Variants in SLC25A21 observed in about 807,000 individuals in gnomAD.
SLC25A21 encodes mitochondrial 2-oxodicarboxylate carrier.
A neutral mutation model predicts 43.8 loss-of-function variants in SLC25A21; 47 were observed. The observed-to-expected ratio is 1.07, with a 90% CI of 0.85 to 1.37. The LOEUF (loss-of-function observed/expected upper bound fraction) is 1.37, where lower values mean the gene tolerates loss of function less well. Among genes scored for constraint, SLC25A21 ranks in the 40% most tolerant of loss-of-function variants. The pLI is 0.00. For synonymous variants in SLC25A21, 131 were observed against 121.3 expected (o/e 1.08, Z -0.52); for missense variants, 352 against 350.2 (o/e 1.00, Z -0.04).
At chr14:36,805,660 C>A (rs377751614) in intron 3 of SLC25A21, among the ~76,000 whole-genome samples, 7 of 150,150 alleles carry the variant, frequency 4.7e-5, no homozygotes, top group African/African-American at 1.7e-4. Flanking sequence ...TGAAATAAGT[C>A]ACTGCCTGTT....
intron 1 of SLC25A21, among the ~76,000 whole-genome samples, chr14:37,148,155 T>C (rs1963700734): frequency 6.6e-6 from 1 of 152,112 alleles, no homozygotes; most frequent in Non-Finnish European, 1.5e-5. Flanking sequence ...TCCTTATGTA[T>C]TTTGCTTATA....
chr14:36,996,669 G>A (rs1454197540), intron 1 of SLC25A21, among the ~76,000 whole-genome samples: 1 of 152,044 alleles, frequency 6.6e-6, no homozygotes. Context: ...AATGAAACTG[G>A]AACAATTAGG....
At chr14:37,087,397 T>C (rs763436899) in intron 1 of SLC25A21, among the ~76,000 whole-genome samples, 2 of 152,222 alleles carry the variant, frequency 1.3e-5, no homozygotes, top group Non-Finnish European at 2.9e-5. Flanking sequence ...GAAAGTTGGG[T>C]TATCTGTGAC....
intron 1 of SLC25A21, among the ~76,000 whole-genome samples, chr14:37,008,442 G>A (rs1428508286): frequency 6.6e-6 from 1 of 152,168 alleles, no homozygotes; most frequent in Admixed American, 6.5e-5. Context: ...AGGAGTTCCA[G>A]CCATTGCAAT....
At chr14:36,948,297 A>T (rs1281698040) in intron 1 of SLC25A21, among the ~76,000 whole-genome samples, 6 of 152,196 alleles carry the variant, frequency 3.9e-5, no homozygotes, top group African/African-American at 1.4e-4. Context: ...ATAAATTCTT[A>T]GTTGGTATAT....
intron 3 of SLC25A21, among the ~76,000 whole-genome samples, chr14:36,811,418 A>T (rs1401634566): frequency 6.6e-6 from 1 of 152,122 alleles, no homozygotes; most frequent in Admixed American, 6.5e-5. Flanking sequence ...TGGGAGGCCG[A>T]GGAGGGTGGA....
intron 1 of SLC25A21, among the ~76,000 whole-genome samples, chr14:37,091,883 T>G (rs2138851770): frequency 6.6e-6 from 1 of 152,328 alleles, no homozygotes; most frequent in South Asian, 2.1e-4. Flanking sequence ...ATCCTAGTAC[T>G]TTGGGAGGCC....
At chr14:37,158,639 A>G (rs1157578237) in intron 1 of SLC25A21, among the ~76,000 whole-genome samples, 4 of 152,222 alleles carry the variant, frequency 2.6e-5, no homozygotes, top group African/African-American at 9.6e-5. Context: ...GAATAGCAGA[A>G]AGTTAAAAGC....
intron 1 of SLC25A21, among the ~76,000 whole-genome samples, chr14:37,033,636 T>G (rs1323478024): frequency 6.6e-6 from 1 of 152,180 alleles, no homozygotes; most frequent in Admixed American, 6.5e-5. Flanking sequence ...TTTTGTTTTC[T>G]AATCCTCCTT....
intron 3 of SLC25A21, among the ~76,000 whole-genome samples, chr14:36,748,756 G>C (rs953537294): frequency 6.6e-6 from 1 of 152,118 alleles, no homozygotes; most frequent in Non-Finnish European, 1.5e-5. Flanking sequence ...GCTGATAACT[G>C]TCATACATCT....
intron 6 of SLC25A21, among the ~76,000 whole-genome samples, chr14:36,724,847 T>A (rs1884526928): frequency 2.6e-5 from 4 of 151,988 alleles, no homozygotes; most frequent in Non-Finnish European, 4.4e-5. Flanking sequence ...GGTCATTTTT[T>A]AAAAAAATGA....
In SLC25A21 at chr14:36,711,379, A is replaced by G. The variant is rs1464250326; in HGVS notation, c.542T>C (p.Val181Ala). 1.2e-6 allele frequency: 2 copies of G among 1,613,746 alleles called. No homozygotes were observed. The highest frequency in any genetic ancestry group is 2.2e-5 in the South Asian group (2 of 91,046). The change falls in exon 7 of 10, where the codon GTT becomes GCT. Residue 181 changes from valine to alanine, a missense_variant. By Grantham distance (64) the Val-to-Ala change is moderately conservative. Coordinates refer to ENST00000331299, the MANE Select transcript of SLC25A21 (RefSeq NM_030631.4). Reference sequence around the variant, plus strand: ...GAAGCCAAAATAAACCATGTTGAAAACTCCATGTCGTCCCAAAGTTGCAGT... The same window carrying G: ...GAAGCCAAAATAAACCATGTTGAAAGCTCCATGTCGTCCCAAAGTTGCAGT... ...GLTATLGRHGVFNMVYFGFYY... is the reference protein window; with the variant it reads ...GLTATLGRHGAFNMVYFGFYY...
intron 6 of SLC25A21, among the ~76,000 whole-genome samples, chr14:36,716,644 C>G (rs908395184): frequency 6.6e-6 from 1 of 152,170 alleles, no homozygotes; most frequent in Non-Finnish European, 1.5e-5. Context: ...TTTCTGAGAG[C>G]CCAGTACTAC....
At chr14:36,810,879 AG>A in intron 3 of SLC25A21, among the ~76,000 whole-genome samples, 2 of 91,832 alleles carry the variant, frequency 2.2e-5, no homozygotes, top group South Asian at 7.4e-4. Flanking sequence ...ATGTAGAGAA[AG>A]AAAAGAGTGG....
chr14:37,064,399 T>C (rs1295667590), intron 1 of SLC25A21, among the ~76,000 whole-genome samples: 3 of 152,100 alleles, frequency 2.0e-5, no homozygotes, highest in African/African-American at 7.2e-5. Flanking sequence ...CATGAGCCAG[T>C]TGATAAATTC....
intron 1 of SLC25A21, among the ~76,000 whole-genome samples, chr14:36,985,946 A>ATGTC: frequency 6.6e-6 from 1 of 152,266 alleles, no homozygotes; most frequent in Non-Finnish European, 1.5e-5. Context: ...TCTTTTTCAC[A>ATGTC]TGTCTCCACC....
At chr14:37,140,433 C>T (rs985016595) in intron 1 of SLC25A21, among the ~76,000 whole-genome samples, 2 of 152,168 alleles carry the variant, frequency 1.3e-5, no homozygotes, top group African/African-American at 2.4e-5. Flanking sequence ...AAACCAAAAA[C>T]TTTTGCCTGG....
chr14:37,009,096 C>A (rs1231973144), intron 1 of SLC25A21, among the ~76,000 whole-genome samples: 1 of 152,204 alleles, frequency 6.6e-6, no homozygotes, highest in Non-Finnish European at 1.5e-5. Context: ...CCCACCATCT[C>A]TCTCTTTATT....
At chr14:36,957,498 G>GGGT (rs921648248) in intron 1 of SLC25A21, among the ~76,000 whole-genome samples, 57 of 152,264 alleles carry the variant, frequency 3.7e-4, no homozygotes, top group African/African-American at 1.2e-3. Flanking sequence ...GAGTAGGACG[G>GGGT]GGTACCTCAG....
Sources: allele counts gnomAD v4.1 joint callset (sites outside exome capture counted in the v4.1 genomes callset), GRCh38; gene constraint gnomAD v4.1.1; transcripts MANE v1.5; gene names NCBI Gene and HGNC (gene_info 2026-07-23, HGNC 2026-07-21).